Variants in UBA6 observed in about 807,000 individuals in gnomAD.
The protein encoded by UBA6 is ubiquitin like modifier activating enzyme 6, also known as ubiquitin-like modifier-activating enzyme 6.
In UBA6, 87 loss-of-function variants were observed where a neutral mutation model predicts 148.3. The observed-to-expected ratio is 0.59, with a 90% confidence interval of 0.49 to 0.70. The LOEUF is 0.70. Ranked by LOEUF, UBA6 falls within the 30% of genes least tolerant of loss-of-function variation. The pLI is 0.00. For missense variants in UBA6, 1,186 were observed against 1,241.2 expected (o/e 0.96, Z 0.67); for synonymous variants, 376 against 401.0 (o/e 0.94, Z 0.75).
At chr4:67,629,392 C>T (rs752585575) in intron 26 of UBA6, among the ~76,000 whole-genome samples, 5 of 151,770 alleles carry the variant, frequency 3.3e-5, no homozygotes, top group Non-Finnish European at 5.9e-5. Flanking sequence ...AGTCCTTCTG[C>T]AAATTTTTTA....
In UBA6 at chr4:67,663,204, C is replaced by G; in HGVS notation, c.972G>C (p.Glu324Asp). ...VDFSNPEAPL[E>D]IHTAMLALDQ... ...CCAAGGCAAGCATAGCTGTGTGAAT[C>G]TCTAAAGGTGCCTATTGAGAACATT... The change falls in exon 12 of 33, where the codon GAG (glutamate) becomes GAC (aspartate). Residue 324 changes from glutamate (E) to aspartate (D), a missense_variant. Transcript: ENST00000322244. 6.2e-7 allele frequency: 1 copy of G among 1,610,568 alleles called. No individual in the cohort carries two copies. Among genetic ancestry groups the G allele is most frequent in the Non-Finnish European group, 8.5e-7 (1 of 1,178,702 alleles).
chr4:67,678,457 A>G lies in UBA6; in HGVS notation c.335T>C (p.Val112Ala), dbSNP rs1396082585. ...TCTTTACCTGTTTCTCTTATTAACAACATCATCTTCACTGAGAAAGAAGTT... is the reference window on the plus strand; with the variant it reads ...TCTTTACCTGTTTCTCTTATTAACAGCATCATCTTCACTGAGAAAGAAGTT... ...GTNFFLSEDD[V>A]VNKRNRAEAV... The change falls in exon 5 of 33, where the codon GTT (valine) becomes GCT (alanine). Residue 112 changes from valine to alanine, a missense_variant. Transcript: ENST00000322244. The G allele has an allele frequency of 6.3e-7, 1 of 1,599,174 alleles. No homozygotes were observed. Among genetic ancestry groups the G allele is most frequent in the Non-Finnish European group, 8.5e-7 (1 of 1,171,426 alleles).
intron 2 of UBA6, among the ~76,000 whole-genome samples, chr4:67,684,710 C>T (rs910771157): frequency 1.3e-5 from 2 of 152,072 alleles, no homozygotes; most frequent in African/African-American, 4.8e-5. Context: ...TTTTTGTCTG[C>T]TTGTTTTCTT....
chr4:67,628,603 T>C (rs1461923928), intron 27 of UBA6, among the ~76,000 whole-genome samples: 1 of 151,904 alleles, frequency 6.6e-6, no homozygotes, highest in Admixed American at 6.6e-5. Context: ...CTTATTAGCA[T>C]TTTTGTTTAT....
At position 67,681,549 on chromosome 4, in the gene UBA6, G is replaced by A. The variant is rs1456329177; in HGVS notation, c.258+14C>T. On this transcript the variant is annotated intron_variant, in intron 4 of 32. Transcript: ENST00000322244. ...GGCTCATAACAATTTTTCTTACAGA[G>A]GACATTTACTTACCTTAATCCCTGC... is the stretch of plus-strand genomic sequence containing the variant. 7.1e-6 allele frequency: 11 copies of A among 1,558,398 alleles called. No homozygotes were observed. The highest frequency in any genetic ancestry group is 1.4e-5 in the African/African-American group (1 of 70,950).
At chr4:67,656,357 G>A (rs2109926978) in intron 13 of UBA6, among the ~76,000 whole-genome samples, 1 of 152,294 alleles carries the variant, frequency 6.6e-6, no homozygotes, top group East Asian at 1.9e-4. Context: ...TCAGCCCTGG[G>A]ATGCAAGGCT....
At position 67,614,302 on chromosome 4, in the gene UBA6, A is replaced by G. The variant is rs868128155; in HGVS notation, c.*4695T>C. 1.5e-4 allele frequency: 23 copies of G among 152,312 alleles called. No individual in the cohort carries two copies. The highest frequency in any genetic ancestry group is 3.4e-3 in the Middle Eastern group (1 of 294). 9.4% of individuals were successfully genotyped at this position (152,312 alleles called of 1,614,324 possible). The stretch of plus-strand genomic sequence containing the variant: ...GTATTTGATGTCTCATGCCTTCTAT[A>G]TAAAACCAAGATGTACTCTGACCAC... On this transcript the variant is annotated 3_prime_UTR_variant, in exon 33 of 33. Transcript: ENST00000322244.
chr4:67,630,789 G>C (rs1302096169), intron 25 of UBA6, among the ~76,000 whole-genome samples: 1 of 152,082 alleles, frequency 6.6e-6, no homozygotes, highest in Non-Finnish European at 1.5e-5. Context: ...TGACTACCTT[G>C]GGAAGAGGAG....
rs1729924642 is a variant in UBA6, at chr4:67,663,878, T to C, written c.960+7A>G. The C allele has an allele frequency of 1.2e-6, 2 of 1,612,924 alleles. No individual in the cohort carries two copies. Among genetic ancestry groups the C allele is most frequent in the South Asian group, 2.2e-5 (2 of 91,038 alleles). Reference sequence around the variant, plus strand: ...GCCTCTCTCAAACCTGCAAAGTGTTTATTTACCTCAGGGTTGCTAAAATCC... The same window carrying C: ...GCCTCTCTCAAACCTGCAAAGTGTTCATTTACCTCAGGGTTGCTAAAATCC... On this transcript the variant is annotated splice_region_variant and intron_variant, in intron 11 of 32. Transcript: ENST00000322244.
In UBA6 at chr4:67,668,648, A is replaced by C. The variant is rs749033574; in HGVS notation, c.696T>G (p.Leu232=). The C allele has an allele frequency of 6.2e-7, 1 of 1,613,106 alleles. No individual in the cohort carries two copies. Among genetic ancestry groups the C allele is most frequent in the Admixed American group, 1.7e-5 (1 of 59,966 alleles). The part of the protein sequence containing the change: ...TQANPGIVTC[L]ENHPHKLETG... ...TCTCCAGTTTGTGAGGATGATTTTC[A>C]AGGCAAGTAACAATGCCAGGATTTG... The change falls in exon 9 of 33, where the codon CTT becomes CTG. Residue 232 remains leucine (L), a synonymous_variant. Transcript: ENST00000322244.
chr4:67,626,341 T>A lies in UBA6; in HGVS notation c.2518+19A>T, dbSNP rs1553904754. 3.3e-6 allele frequency: 5 copies of A among 1,520,172 alleles called. No homozygotes were observed. Among genetic ancestry groups the A allele is most frequent in the Middle Eastern group, 1.8e-4 (1 of 5,692 alleles). 94.2% of individuals were successfully genotyped at this position (1,520,172 alleles called of 1,614,324 possible). On this transcript the variant is annotated intron_variant, in intron 28 of 32. Coordinates refer to ENST00000322244, the MANE Select transcript of UBA6 (RefSeq NM_018227.6). ...AAACTCATCCAGTTCAAAACATTTT[T>A]ATAAAGATTTTCCCTTACTTTTGGT...
At chr4:67,688,033 A>G (rs1365740648) in intron 2 of UBA6, among the ~76,000 whole-genome samples, 3 of 152,210 alleles carry the variant, frequency 2.0e-5, no homozygotes, top group Admixed American at 2.0e-4. Flanking sequence ...GGTATTCCGG[A>G]AGCTAGAGGA....
In UBA6 at chr4:67,678,062, T is replaced by TA. The variant is rs553931741; in HGVS notation, c.354-341dup. 9.1e-4 allele frequency among the ~76,000 whole-genome samples: 133 copies of TA among 145,422 alleles called. 2 individuals carry two copies. Among genetic ancestry groups the TA allele is most frequent in the African/African-American group, 3.1e-3 (124 of 40,428 alleles). ...CATTTCTAGGTAGCAGTGTAATATA[T>TA]ATATATCTTTTATATATATAATATA... is the stretch of plus-strand genomic sequence containing the variant. On this transcript the variant is annotated intron_variant, in intron 5 of 32. Transcript: ENST00000322244.
At chr4:67,639,861 C>A (rs1461993049) in intron 18 of UBA6, among the ~76,000 whole-genome samples, 2 of 152,156 alleles carry the variant, frequency 1.3e-5, no homozygotes, top group African/African-American at 4.8e-5. Context: ...AATACAGTAT[C>A]TTATTGTACC....
intron 2 of UBA6, among the ~76,000 whole-genome samples, chr4:67,689,217 G>A (rs765398358): frequency 6.6e-5 from 10 of 152,070 alleles, no homozygotes; most frequent in Non-Finnish European, 1.0e-4. Flanking sequence ...TCTAAGATAC[G>A]CTAGGCTAAG....
chr4:67,626,755 ATC>A (rs1420227292), intron 27 of UBA6, among the ~76,000 whole-genome samples: 6 of 151,938 alleles, frequency 3.9e-5, no homozygotes, highest in African/African-American at 1.2e-4. Context: ...ACTCCAATAT[ATC>A]TAATTTTTAA....
chr4:67,659,752 G>GA (rs1183464078), intron 13 of UBA6, among the ~76,000 whole-genome samples: 1 of 133,034 alleles, frequency 7.5e-6, no homozygotes, highest in Non-Finnish European at 1.7e-5. Context: ...TTTGGAACTG[G>GA]AAAACGCAGA....
chr4:67,655,162 AC>A (rs1280471953), intron 13 of UBA6, among the ~76,000 whole-genome samples: 1 of 152,240 alleles, frequency 6.6e-6, no homozygotes, highest in Non-Finnish European at 1.5e-5. Flanking sequence ...GATATCCAGG[AC>A]TTGAACTCAG....
rs373396734 is a variant in UBA6, at chr4:67,646,738, T to C, written c.1302A>G (p.Glu434=). 3.4e-5 allele frequency: 54 copies of C among 1,605,316 alleles called. No homozygotes were observed. The highest frequency in any genetic ancestry group is 4.4e-5 in the Non-Finnish European group (52 of 1,176,400). The change falls in exon 15 of 33, where the codon GAA becomes GAG. Residue 434 remains glutamate, a synonymous_variant. Transcript: ENST00000322244. ...TTCATTATTACCGTGGGAGAAATTC[T>C]TCACATTCAGGTTTGCCTAGTGATT... is the stretch of plus-strand genomic sequence containing the variant. ...IVESLGKPEC[E]EFLPRGDRYD...
Sources: allele counts gnomAD v4.1 joint callset (sites outside exome capture counted in the v4.1 genomes callset), GRCh38; gene constraint gnomAD v4.1.1; transcripts MANE v1.5; gene names NCBI Gene and HGNC (gene_info 2026-07-23, HGNC 2026-07-21).